OPHN1: variants seen among roughly 807,000 people sequenced by gnomAD.
OPHN1 encodes oligophrenin 1.
A neutral mutation model predicts 60.7 loss-of-function variants in OPHN1; 11 were observed. The ratio of observed to expected loss-of-function variants is 0.18; its 90% CI spans 0.11 to 0.30. The LOEUF (loss-of-function observed/expected upper bound fraction) is 0.30, where lower values mean the gene tolerates loss of function less well. Among genes scored for constraint, OPHN1 ranks in the 10% least tolerant of loss-of-function variants. The pLI, the probability that OPHN1 is intolerant of heterozygous loss-of-function variation, is 1.00. For synonymous variants in OPHN1, 226 were observed against 222.6 expected (o/e 1.02, Z -0.14); for missense variants, 449 against 611.0 (o/e 0.73, Z 2.80).
chrX:68,152,532 TC>T (rs1419908449), intron 15 of OPHN1, among the ~76,000 whole-genome samples: 3 of 107,256 alleles, frequency 2.8e-5, no homozygotes, highest in Non-Finnish European at 5.8e-5. Context: ...AGCCTCGACC[TC>T]CCCAGGCTCA....
chrX:68,380,351 T>C (rs2078589462), intron 2 of OPHN1, among the ~76,000 whole-genome samples: 1 of 111,550 alleles, frequency 9.0e-6, no homozygotes, highest in Non-Finnish European at 1.9e-5. Context: ...TAGCGGTCTA[T>C]CAATTTTGTT....
intron 2 of OPHN1, among the ~76,000 whole-genome samples, chrX:68,323,893 A>C (rs1261374270): frequency 8.9e-6 from 1 of 112,250 alleles, no homozygotes. Flanking sequence ...TTTGATTAAA[A>C]TGCAGTACTC....
In OPHN1 at chrX:68,052,598, C is replaced by G; in HGVS notation, c.2325-8G>C. On this transcript the variant is annotated splice_polypyrimidine_tract_variant and splice_region_variant and intron_variant, in intron 22 of 24. Transcript: ENST00000355520. ...CTGGTCCTGGAAGCCACCCTGCAAA[C>G]AGAAGCCAACCAAGTCCCATAAGTT... 8.3e-7 allele frequency: 1 copy of G among 1,205,054 alleles called. No homozygotes were observed. The highest frequency in any genetic ancestry group is 3.0e-5 in the East Asian group (1 of 33,707).
intron 2 of OPHN1, among the ~76,000 whole-genome samples, chrX:68,400,859 C>T (rs977177330): frequency 9.0e-6 from 1 of 111,244 alleles, no homozygotes; most frequent in African/African-American, 3.3e-5. Flanking sequence ...GCCTCTGCCT[C>T]CTAAAGTGCT....
intron 2 of OPHN1, among the ~76,000 whole-genome samples, chrX:68,355,054 AGTTTC>A (rs1286208524): frequency 4.5e-5 from 5 of 112,000 alleles, no homozygotes; most frequent in Non-Finnish European, 9.4e-5. Context: ...TGACTAGGCT[AGTTTC>A]CCCTACATAT....
chrX:68,069,107 T>A (rs186193705), intron 20 of OPHN1, among the ~76,000 whole-genome samples: 1 of 111,994 alleles, frequency 8.9e-6, no homozygotes, highest in Non-Finnish European at 1.9e-5. Context: ...CTAGACTGGG[T>A]AACCTCATTG....
At chrX:68,082,992 C>A (rs11796564) in intron 19 of OPHN1, among the ~76,000 whole-genome samples, 1 of 105,251 alleles carries the variant, frequency 9.5e-6, no homozygotes, top group Non-Finnish European at 1.9e-5. Flanking sequence ...CTTCACCTTG[C>A]ACTTTTATGT....
Position 68,309,532 on chromosome X carries a change from C to T in OPHN1, c.155-10436G>A, listed in dbSNP as rs753156891. Among the ~76,000 whole-genome samples, 3 of 111,306 alleles carry T rather than the reference C, an allele frequency of 2.7e-5. No individual in the cohort carries two copies. The South Asian group carries it at 1.1e-3, about 42-fold the overall frequency. ...AGTAGAGAGATTAGAACTAGATATA[C>T]TCAGTTCTCATTATTTACGGATTCT... On this transcript the variant is annotated intron_variant, in intron 2 of 24. Transcript: ENST00000355520.
chrX:68,296,283 T>C (rs2078094613), intron 3 of OPHN1, among the ~76,000 whole-genome samples: 1 of 111,991 alleles, frequency 8.9e-6, no homozygotes, highest in Admixed American at 9.5e-5. Context: ...TTAAAAGCAG[T>C]GTTCAAATGA....
chrX:68,302,829 C>T (rs1030121015), intron 2 of OPHN1, among the ~76,000 whole-genome samples: 1 of 110,140 alleles, frequency 9.1e-6, no homozygotes, highest in East Asian at 2.9e-4. Flanking sequence ...GAGGCTGAGG[C>T]GAGAGGACTG....
chrX:68,255,418 C>G (rs770007037), intron 5 of OPHN1, among the ~76,000 whole-genome samples: 12 of 112,329 alleles, frequency 1.1e-4, no homozygotes, highest in African/African-American at 3.9e-4. Flanking sequence ...GTGGCCATGC[C>G]ACGGTACCTA....
chrX:68,317,740 G>T (rs952163242), intron 2 of OPHN1, among the ~76,000 whole-genome samples: 1 of 110,044 alleles, frequency 9.1e-6, no homozygotes, highest in Non-Finnish European at 1.9e-5. Flanking sequence ...AAAGAAAAAA[G>T]AAAAGATCAG....
At chrX:68,167,128 T>C (rs2077361965) in intron 15 of OPHN1, among the ~76,000 whole-genome samples, 1 of 111,775 alleles carries the variant, frequency 8.9e-6, no homozygotes, top group African/African-American at 3.3e-5. Flanking sequence ...CTGCAAACTA[T>C]GCATTTGACA....
At chrX:68,123,180 T>C (rs1358975073) in intron 15 of OPHN1, among the ~76,000 whole-genome samples, 1 of 111,265 alleles carries the variant, frequency 9.0e-6, no homozygotes, top group African/African-American at 3.3e-5. Flanking sequence ...TGGCATGACA[T>C]AAAGTGCTGA....
At position 68,093,534 on chromosome X, in the gene OPHN1, T is replaced by C. The variant is rs190203567; in HGVS notation, c.1686+3336A>G. Among the ~76,000 whole-genome samples, 10 of 111,330 alleles carry C rather than the reference T, an allele frequency of 9.0e-5. No individual in the cohort carries two copies. In the Admixed American group the frequency reaches 9.6e-4, roughly 11 times the overall value. On this transcript the variant is annotated intron_variant, in intron 19 of 24. Transcript: ENST00000355520. ...GAGCAGCCGCCCCATTTTATATTCC[T>C]ACCAGAAATGTGTGAGAGATCCAGT...
intron 23 of OPHN1, among the ~76,000 whole-genome samples, chrX:68,049,746 C>T (rs192463567): frequency 8.9e-5 from 10 of 112,049 alleles, no homozygotes; most frequent in African/African-American, 3.2e-4. Flanking sequence ...AATGCCTTCA[C>T]GATCTGGCTC....
intron 6 of OPHN1, among the ~76,000 whole-genome samples, chrX:68,230,172 G>A (rs774128994): frequency 5.1e-4 from 57 of 111,670 alleles, no homozygotes; most frequent in African/African-American, 1.5e-3. Context: ...AATGCTCATC[G>A]TCACTGGTCA....
At chrX:68,241,528 G>C (rs2077780320) in intron 5 of OPHN1, among the ~76,000 whole-genome samples, 1 of 111,743 alleles carries the variant, frequency 8.9e-6, no homozygotes, top group African/African-American at 3.2e-5. Flanking sequence ...TTACAAAACA[G>C]AACGCTATAT....
In OPHN1 at chrX:68,359,278, G is replaced by C. The variant is rs1267609531; in HGVS notation, c.155-60182C>G. Among the ~76,000 whole-genome samples, 6 of 111,205 alleles carry C rather than the reference G, an allele frequency of 5.4e-5. No homozygotes were observed. The Admixed American group carries it at 5.8e-4, about 11-fold the overall frequency. ...CTGCAGAAAAATTTGGGGTACATAT[G>C]GATTTGTAAATTATTTACAATAACT... is the stretch of plus-strand genomic sequence containing the variant. On this transcript the variant is annotated intron_variant, in intron 2 of 24. Coordinates refer to ENST00000355520, the MANE Select transcript of OPHN1 (RefSeq NM_002547.3).
Sources: allele counts gnomAD v4.1 joint callset (sites outside exome capture counted in the v4.1 genomes callset), GRCh38; gene constraint gnomAD v4.1.1; transcripts MANE v1.5; gene names NCBI Gene and HGNC (gene_info 2026-07-23, HGNC 2026-07-21).